ADAT1: variants seen among roughly 807,000 people sequenced by gnomAD.
ADAT1 encodes adenosine deaminase tRNA specific 1, also known as tRNA-specific adenosine deaminase 1.
A neutral mutation model predicts 58.6 loss-of-function variants in ADAT1; 58 were observed. That is an observed-to-expected ratio of 0.99 (90% CI 0.80 to 1.23). ADAT1 has a LOEUF of 1.23. Ranked by LOEUF, ADAT1 falls within the 50% of genes most tolerant of loss-of-function variation. ADAT1 has a pLI of 0.00. For synonymous variants in ADAT1, 254 were observed against 220.8 expected, an observed-to-expected ratio of 1.15 and a Z score of -1.33; for missense variants, 741 against 608.6, an observed-to-expected ratio of 1.22 and a Z score of -2.29.
chr16:75,615,224 A>C (rs570143375), intron 5 of ADAT1, among the ~76,000 whole-genome samples: 131 of 151,752 alleles, frequency 8.6e-4, no homozygotes, highest in African/African-American at 3.1e-3. Context: ...TTAAAAAAAA[A>C]CTCTCATTTC....
Position 75,598,819 on chromosome 16 carries a change from TA to T in ADAT1, c.*1396del. ...CAGGCGTAAGCCACCGTGCCCGGCC[TA>T]AAAACTTTTAAAATGTATACTTTAG... On this transcript the variant is annotated 3_prime_UTR_variant, in exon 10 of 10. Coordinates refer to ENST00000564657, the MANE Select transcript of ADAT1 (RefSeq NM_001324445.2). 1 of 904,604 alleles carries T rather than the reference TA, an allele frequency of 1.1e-6. No individual in the cohort carries two copies. The highest frequency in any genetic ancestry group is 1.3e-6 in the Non-Finnish European group (1 of 756,642). 56.0% of individuals were successfully genotyped at this position (904,604 alleles called of 1,614,324 possible). A position where few individuals can be genotyped will look rare whatever the true frequency, so the allele number is the denominator to read the frequency against.
intron 5 of ADAT1, among the ~76,000 whole-genome samples, chr16:75,615,787 G>C (rs1392636491): frequency 6.6e-6 from 1 of 152,100 alleles, no homozygotes; most frequent in Non-Finnish European, 1.5e-5. Context: ...AGAACCTCAG[G>C]CCCCACTCCA....
At chr16:75,614,020 T>A (rs917347061) in intron 5 of ADAT1, among the ~76,000 whole-genome samples, 5 of 152,012 alleles carry the variant, frequency 3.3e-5, no homozygotes, top group African/African-American at 1.2e-4. Flanking sequence ...TGAAACCCTG[T>A]CTCTACTAAG....
intron 8 of ADAT1, among the ~76,000 whole-genome samples, chr16:75,606,900 T>C (rs891090204): frequency 4.6e-5 from 7 of 152,162 alleles, no homozygotes; most frequent in African/African-American, 1.7e-4. Context: ...CTGAAATATA[T>C]GTAAGAAGAC....
chr16:75,604,336 A>C (rs1219141165), intron 8 of ADAT1, among the ~76,000 whole-genome samples: 1 of 148,600 alleles, frequency 6.7e-6, no homozygotes, highest in African/African-American at 2.5e-5. Context: ...AGGAGGCTGA[A>C]GCACGAGAAT....
Position 75,600,159 on chromosome 16 carries a change from C to G in ADAT1, c.*57G>C. ...ACCAAAAAAGCTAAGACTTGTCCTG[C>G]GTGGAGGAAGGCAGTTCAGGATGAA... On this transcript the variant is annotated 3_prime_UTR_variant, in exon 10 of 10. Coordinates refer to ENST00000564657, the MANE Select transcript of ADAT1 (RefSeq NM_001324445.2). The G allele has an allele frequency of 2.5e-6, 4 of 1,603,940 alleles. No individual in the cohort carries two copies. The highest frequency in any genetic ancestry group is 2.2e-5 in the South Asian group (2 of 90,262).
In ADAT1 at chr16:75,608,431, T is replaced by C. The variant is rs951147876; in HGVS notation, c.1190-108A>G. 20 of 932,522 alleles carry C rather than the reference T, an allele frequency of 2.1e-5. No homozygotes were observed. The East Asian group carries it at 4.9e-4, about 23-fold the overall frequency. 57.8% of individuals were successfully genotyped at this position (932,522 alleles called of 1,614,324 possible). A position where few individuals can be genotyped will look rare whatever the true frequency, so the allele number is the denominator to read the frequency against. On this transcript the variant is annotated intron_variant, in intron 7 of 9. Coordinates refer to ENST00000564657, the MANE Select transcript of ADAT1 (RefSeq NM_001324445.2). ...ACTCTACAGACCCATGAGAGCTGGA[T>C]ATGATGTCACAGACAATGACTGCTA... is the stretch of plus-strand genomic sequence containing the variant.
At position 75,622,479 on chromosome 16, in the gene ADAT1, G is replaced by A. The variant is rs922701777; in HGVS notation, c.-98C>T. On this transcript the variant is annotated 5_prime_UTR_variant, in exon 1 of 10. Transcript: ENST00000564657. ...TGGCCATCGACCTGAAATTAAACCA[G>A]AGGTGCAATTCACAAACCTCGATAG... 1 of 152,182 alleles carries A rather than the reference G, an allele frequency of 6.6e-6. No homozygotes were observed. Among genetic ancestry groups the A allele is most frequent in the Non-Finnish European group, 1.5e-5 (1 of 68,032 alleles). The allele number at this position is 152,182 out of a possible 1,614,324, so 9.4% of individuals were successfully genotyped here. A position where few individuals can be genotyped will look rare whatever the true frequency, so the allele number is the denominator to read the frequency against.
At chr16:75,611,989 C>T (rs978839721) in intron 6 of ADAT1, among the ~76,000 whole-genome samples, 2 of 152,010 alleles carry the variant, frequency 1.3e-5, no homozygotes, top group African/African-American at 4.8e-5. Context: ...ACCCAGGAGG[C>T]GGTGGCTGCA....
chr16:75,620,267 G>C lies in ADAT1; in HGVS notation c.237C>G (p.Asn79Lys). 1 of 1,613,918 alleles carries C rather than the reference G, an allele frequency of 6.2e-7. No individual in the cohort carries two copies. Among genetic ancestry groups the C allele is most frequent in the Non-Finnish European group, 8.5e-7 (1 of 1,179,834 alleles). ...KCIGQSKMRK[N>K]GDILNDSHAE... ...GTTTAGATTCCCACCCGTGCTTACCGTTCTTCCTCATTTTGGACTGTCCTA... is the reference window on the plus strand; with the variant it reads ...GTTTAGATTCCCACCCGTGCTTACCCTTCTTCCTCATTTTGGACTGTCCTA... The change falls in exon 3 of 10, where the codon AAC (asparagine) becomes AAG (lysine). Residue 79 changes from asparagine to lysine, a missense_variant and splice_region_variant. Asn to Lys is a moderately conservative substitution (Grantham distance 94). Transcript: ENST00000564657.
At chr16:75,605,937 C>CA (rs972557653) in intron 8 of ADAT1, among the ~76,000 whole-genome samples, 31,962 of 74,570 alleles carry the variant, frequency 0.43, 5,807 homozygotes, top group African/African-American at 0.52. Flanking sequence ...AACTCTGTCT[C>CA]AAAAAAAAAA....
intron 6 of ADAT1, 123 bp from the exon 7 acceptor site, chr16:75,609,111 G>T: frequency 8.6e-7 from 1 of 1,156,680 alleles, no homozygotes; most frequent in African/African-American, 1.6e-5. Context: ...ATTTATTTGG[G>T]CAGACAGTGT....
chr16:75,614,779 G>A (rs1272060298), intron 5 of ADAT1, among the ~76,000 whole-genome samples: 2 of 152,316 alleles, frequency 1.3e-5, no homozygotes, highest in East Asian at 1.9e-4. Flanking sequence ...GGGAGCCAGA[G>A]AGGCACATTC....
Position 75,612,350 on chromosome 16 carries a change from T to A in ADAT1, c.936A>T (p.Gln312His), listed in dbSNP as rs771333986. Residue 312 changes from glutamine (Q) to histidine (H), a missense_variant, in exon 6 of 10, where the codon CAA becomes CAT. Gln to His is a conservative substitution (Grantham distance 24). Coordinates refer to ENST00000564657, the MANE Select transcript of ADAT1 (RefSeq NM_001324445.2). The stretch of plus-strand genomic sequence containing the variant: ...CCAGCAAGTGCATCAACAGTGCCCC[T>A]TGGCATCCGAGGACGTTCCATCGGG... ...KMARWNVLGC[Q>H]GALLMHLLEE... The A allele has an allele frequency of 6.2e-7, 1 of 1,614,204 alleles. No homozygotes were observed. The highest frequency in any genetic ancestry group is 2.2e-5 in the East Asian group (1 of 44,856).
rs1945501737 is a variant in ADAT1 at position 75,598,956 on chromosome 16, T to G, written c.*1260A>C. 15 of 985,214 alleles carry G rather than the reference T, an allele frequency of 1.5e-5. No homozygotes were observed. The highest frequency in any genetic ancestry group is 1.8e-5 in the Non-Finnish European group (15 of 829,940). 61.0% of individuals were successfully genotyped at this position (985,214 alleles called of 1,614,324 possible). On this transcript the variant is annotated 3_prime_UTR_variant, in exon 10 of 10. Coordinates refer to ENST00000564657, the MANE Select transcript of ADAT1 (RefSeq NM_001324445.2). ...ATAAGGACCTTGAGTAACCCCAACATGGGAGCTTCCATTTTCAGTCAATCA... is the reference window on the plus strand; with the variant it reads ...ATAAGGACCTTGAGTAACCCCAACAGGGGAGCTTCCATTTTCAGTCAATCA...
At chr16:75,611,927 G>A (rs1204169320) in intron 6 of ADAT1, among the ~76,000 whole-genome samples, 7 of 151,954 alleles carry the variant, frequency 4.6e-5, no homozygotes, top group South Asian at 2.1e-4. Context: ...GCGTGGTGGC[G>A]CATGCCTGTA....
At chr16:75,600,442 T>A (rs2081195935) in intron 9 of ADAT1, 94 bp from the exon 10 acceptor site, 1 of 1,545,638 alleles carries the variant, frequency 6.5e-7, no homozygotes, top group Non-Finnish European at 8.7e-7. Flanking sequence ...GACAGACTTG[T>A]AATGAGACTT....
At chr16:75,620,132 A>C in intron 3 of ADAT1, 134 bp downstream of exon 3, 2 of 837,444 alleles carry the variant, frequency 2.4e-6, no homozygotes. Context: ...CGGTCCTTCC[A>C]ACTGGACTGA....
intron 5 of ADAT1, among the ~76,000 whole-genome samples, chr16:75,615,477 A>G (rs1442792139): frequency 9.7e-6 from 1 of 102,662 alleles, no homozygotes; most frequent in Admixed American, 1.2e-4. Flanking sequence ...ATAGTTGATG[A>G]GCTAAAAAAA....
Sources: allele counts gnomAD v4.1 joint callset (sites outside exome capture counted in the v4.1 genomes callset), GRCh38; gene constraint gnomAD v4.1.1; transcripts MANE v1.5; gene names NCBI Gene and HGNC (gene_info 2026-07-23, HGNC 2026-07-21).